The following LAMA4 variants were observed in gnomAD, a reference collection of about 807,000 sequenced individuals.
LAMA4 encodes the protein laminin subunit alpha 4, also known as laminin subunit alpha-4.
In LAMA4, 127 loss-of-function variants were observed where a neutral mutation model predicts 207.1. The observed-to-expected ratio is 0.61, with a 90% CI of 0.53 to 0.71. The LOEUF (loss-of-function observed/expected upper bound fraction) is 0.71, where lower values mean the gene tolerates loss of function less well. LAMA4 is among the 30% of genes least tolerant of loss of function. LAMA4 has a pLI of 0.00. For missense variants in LAMA4, 2,093 were observed against 2,246.5 expected (o/e 0.93, Z 1.38); for synonymous variants, 761 against 816.0 (o/e 0.93, Z 1.15).
At chr6:112,207,978 C>T (rs1183018681) in intron 3 of LAMA4, among the ~76,000 whole-genome samples, 1 of 152,198 alleles carries the variant, frequency 6.6e-6, no homozygotes, top group African/African-American at 2.4e-5. Flanking sequence ...TTAACTCGAA[C>T]GGAGTAGGCA....
chr6:112,238,007 A>G (rs1354948016), intron 2 of LAMA4, among the ~76,000 whole-genome samples: 1 of 152,182 alleles, frequency 6.6e-6, no homozygotes, highest in African/African-American at 2.4e-5. Context: ...GTTCAGCCCA[A>G]CAAACTGAGA....
At chr6:112,125,154 T>C (rs144882749) in intron 31 of LAMA4, among the ~76,000 whole-genome samples, 30 of 152,322 alleles carry the variant, frequency 2.0e-4, no homozygotes, top group African/African-American at 6.0e-4. Flanking sequence ...TTTCTGGAGG[T>C]TTCTGATTTC....
chr6:112,114,375 C>T (rs1209824152), intron 37 of LAMA4, among the ~76,000 whole-genome samples, 180 bp from the exon 38 acceptor site: 1 of 152,160 alleles, frequency 6.6e-6, no homozygotes, highest in Non-Finnish European at 1.5e-5. Context: ...ATTACTGTAA[C>T]ATTTTCCTTA....
At chr6:112,237,465 T>C (rs1316191277) in intron 2 of LAMA4, among the ~76,000 whole-genome samples, 1 of 152,160 alleles carries the variant, frequency 6.6e-6, no homozygotes, top group Non-Finnish European at 1.5e-5. Context: ...ATCCCTTTTT[T>C]AAAAACCAGT....
At chr6:112,131,139 G>C (rs1554329683) in intron 28 of LAMA4, 38 bp from the exon 29 acceptor site, 1 of 1,607,016 alleles carries the variant, frequency 6.2e-7, no homozygotes, top group Non-Finnish European at 8.5e-7. Context: ...AGGGAGTCTA[G>C]GGATCCAAAA....
intron 23 of LAMA4, 28 bp from the exon 24 acceptor site, chr6:112,139,319 A>G (rs376982099): frequency 8.7e-6 from 14 of 1,612,954 alleles, no homozygotes; most frequent in African/African-American, 1.3e-5. Flanking sequence ...CGGTCATTTG[A>G]ACACTACAGT....
intron 24 of LAMA4, 93 bp downstream of exon 24, chr6:112,139,026 AT>A (rs1171412542): frequency 9.8e-6 from 12 of 1,221,356 alleles, no homozygotes; most frequent in Non-Finnish European, 1.5e-5. Context: ...GTTTGATGGC[AT>A]GACACACTAG....
chr6:112,141,226 G>A, intron 21 of LAMA4, 132 bp downstream of exon 21: 1 of 947,366 alleles, frequency 1.1e-6, no homozygotes, highest in East Asian at 2.4e-5. Flanking sequence ...CAAGAATAAA[G>A]GGAGGAAAAT....
At chr6:112,238,963 C>T (rs1786150159) in intron 2 of LAMA4, among the ~76,000 whole-genome samples, 1 of 152,078 alleles carries the variant, frequency 6.6e-6, no homozygotes, top group South Asian at 2.1e-4. Context: ...CATGTTGAAA[C>T]CTAACCCCTA....
Position 112,109,460 on chromosome 6 carries a change from T to C in LAMA4, c.5449A>G (p.Ile1817Val), listed in dbSNP as rs782544597. ...KAALVSGAVS[I>V]NSCPAA ...TGTCAGGCTGCTGGACAGGAGTTGA[T>C]GCTTACGGCGCCGCTGACCAGGGCT... The change falls in exon 39 of 39, where the codon ATC becomes GTC. Residue 1817 changes from isoleucine to valine, a missense_variant. This residue lies in a region of LAMA4 where 383 missense variants were observed against 437.8 expected (regional missense o/e 0.87). Transcript: ENST00000230538. The C allele has an allele frequency of 3.7e-6, 6 of 1,613,924 alleles. No individual in the cohort carries two copies. The highest frequency in any genetic ancestry group is 2.2e-5 in the South Asian group (2 of 91,080).
rs1562683086 is a variant in LAMA4, at chr6:112,165,185, A to G, written c.1643T>C (p.Leu548Pro). 6.8e-6 allele frequency: 11 copies of G among 1,609,672 alleles called. No homozygotes were observed. The highest frequency in any genetic ancestry group is 4.5e-5 in the East Asian group (2 of 44,874). The change falls in exon 13 of 39, where the codon CTT (leucine) becomes CCT (proline). Residue 548 changes from leucine to proline, a missense_variant. By Grantham distance (98) the Leu-to-Pro change is moderately conservative (BLOSUM62 -3). Around this residue, in one of 3 missense-constraint regions of LAMA4, gnomAD observed 1,704 missense variants for 1,788.4 expected, o/e 0.95. Coordinates refer to ENST00000230538, the MANE Select transcript of LAMA4 (RefSeq NM_001105206.3). ...ADSLTTPRLT[L>P]SELDDIIKNA... The stretch of plus-strand genomic sequence containing the variant: ...CTTTATTATATCATCAAGTTCTGAA[A>G]GAGTTAGACGAGGTGTTGTCAGAGA...
At chr6:112,150,347 TGTTTTC>T in intron 17 of LAMA4, 158 bp downstream of exon 17, 1 of 703,980 alleles carries the variant, frequency 1.4e-6, no homozygotes, top group Non-Finnish European at 2.6e-6. Context: ...TTCTTCTTTT[TGTTTTC>T]TAGAACTTTT....
intron 2 of LAMA4, among the ~76,000 whole-genome samples, chr6:112,235,293 C>A (rs1236460487): frequency 1.3e-5 from 2 of 152,142 alleles, no homozygotes; most frequent in Non-Finnish European, 2.9e-5. Flanking sequence ...TGGGAATTGG[C>A]AGATTTTCTC....
In LAMA4 at chr6:112,144,877, G is replaced by T; in HGVS notation, c.2410C>A (p.Gln804Lys). The T allele has an allele frequency of 6.2e-7, 1 of 1,614,026 alleles. No homozygotes were observed. ...QLLDQLRTVE[Q>K]KRPASNVSAS... ...GAAACGTTGCTTGCAGGTCGCTTCT[G>T]CTCAACCGTACGAAGCTGATCCAGG... Residue 804 changes from glutamine (Q) to lysine (K), a missense_variant, in exon 19 of 39, where the codon CAG (glutamine) becomes AAG (lysine). Transcript: ENST00000230538.
chr6:112,168,367 T>A (rs377168733), intron 12 of LAMA4, among the ~76,000 whole-genome samples: 1 of 116,694 alleles, frequency 8.6e-6, no homozygotes. Flanking sequence ...TTTTTTGAGG[T>A]GGAGTTTCAC....
chr6:112,155,236 T>C, intron 15 of LAMA4: 4 of 565,122 alleles, frequency 7.1e-6, no homozygotes, highest in Non-Finnish European at 1.3e-5. Context: ...TAAATAATTT[T>C]GAGTTGAAAA....
intron 2 of LAMA4, among the ~76,000 whole-genome samples, chr6:112,241,250 T>A (rs1427426880): frequency 6.2e-5 from 9 of 144,762 alleles, no homozygotes; most frequent in Non-Finnish European, 1.2e-4. Flanking sequence ...TGTATATATA[T>A]ACACATTCAG....
Position 112,120,433 on chromosome 6 carries a change from A to G in LAMA4, c.4515T>C (p.His1505=). Residue 1505 remains histidine, a synonymous_variant, in exon 33 of 39, where the codon CAT becomes CAC. Coordinates refer to ENST00000230538, the MANE Select transcript of LAMA4 (RefSeq NM_001105206.3). ...FSIRLRTRSS[H]GMIFYVSDQE... is the part of the protein sequence containing the mutation. ...GATCTGAGACATAGAAGATCATGCC[A>G]TGGGAGGAACGAGTTCTCAGACGAA... 6.2e-7 allele frequency: 1 copy of G among 1,614,000 alleles called. No individual in the cohort carries two copies. Among genetic ancestry groups the G allele is most frequent in the Non-Finnish European group, 8.5e-7 (1 of 1,179,884 alleles).
chr6:112,117,696 A>G lies in LAMA4; in HGVS notation c.4981+43T>C, dbSNP rs782123970. On this transcript the variant is annotated intron_variant, in intron 35 of 38. Coordinates refer to ENST00000230538, the MANE Select transcript of LAMA4 (RefSeq NM_001105206.3). The surrounding 1 kb of genome is among the most constrained non-coding windows in gnomAD (Gnocchi z 4.5). ...TATTCCCTGTTAGCCATCTCCAGGAAGAAGCATTTCATGACTCATATTTTT... is the reference window on the plus strand; with the variant it reads ...TATTCCCTGTTAGCCATCTCCAGGAGGAAGCATTTCATGACTCATATTTTT... 9 of 1,575,794 alleles carry G rather than the reference A, an allele frequency of 5.7e-6. No individual in the cohort carries two copies. The East Asian group carries it at 1.1e-4, about 20-fold the overall frequency.
Sources: gnomAD v4.1 joint callset for allele counts (sites outside exome capture counted in the v4.1 genomes callset) on GRCh38, gnomAD v4.1.1 for gene constraint, gnomAD v4.1.1 regional missense constraint, Gnocchi (gnomAD v3.1) non-coding constraint, MANE v1.5 for transcripts, NCBI Gene and HGNC (gene_info 2026-07-23, HGNC 2026-07-21) for gene names.